KCNJ6: variants seen among roughly 807,000 people sequenced by gnomAD.
KCNJ6 encodes potassium inwardly rectifying channel subfamily J member 6.
KCNJ6 carries 9 observed loss-of-function variants against 34.2 expected under a neutral mutation model. The observed-to-expected ratio is 0.26, with a 90% CI of 0.16 to 0.46. The LOEUF (loss-of-function observed/expected upper bound fraction) is 0.46, where lower values mean the gene tolerates loss of function less well. Ranked by LOEUF, KCNJ6 falls within the 20% of genes least tolerant of loss-of-function variation. The pLI, the probability that KCNJ6 is intolerant of heterozygous loss-of-function variation, is 1.00. For missense variants in KCNJ6, 236 were observed against 531.3 expected (o/e 0.44, Z 5.46); for synonymous variants, 196 against 207.1 (o/e 0.95, Z 0.46).
intron 3 of KCNJ6, among the ~76,000 whole-genome samples, chr21:37,668,670 G>A (rs948891773): frequency 1.1e-4 from 17 of 152,118 alleles, no homozygotes; most frequent in African/African-American, 2.9e-4. Context: ...TGTGGATGCC[G>A]CACCCGTGCT....
chr21:37,759,325 A>G (rs1331647051), intron 2 of KCNJ6, among the ~76,000 whole-genome samples: 1 of 152,198 alleles, frequency 6.6e-6, no homozygotes, highest in Admixed American at 6.5e-5. Context: ...TGTGAAATGA[A>G]TGGCGGGACT....
intron 2 of KCNJ6, among the ~76,000 whole-genome samples, chr21:37,824,524 T>C (rs989499725): frequency 6.6e-6 from 1 of 152,060 alleles, no homozygotes; most frequent in Non-Finnish European, 1.5e-5. Context: ...TGGCTCTGTG[T>C]CCCCACTCCA....
At chr21:37,749,882 C>T (rs936912268) in intron 2 of KCNJ6, among the ~76,000 whole-genome samples, 1 of 152,178 alleles carries the variant, frequency 6.6e-6, no homozygotes, top group African/African-American at 2.4e-5. Flanking sequence ...GGGCAGTAAT[C>T]ATACCTATGC....
At chr21:37,873,296 C>T (rs78312848) in intron 1 of KCNJ6, among the ~76,000 whole-genome samples, 30 of 152,286 alleles carry the variant, frequency 2.0e-4, no homozygotes, top group Middle Eastern at 3.4e-3. Flanking sequence ...AAGCACGTTA[C>T]GCGAATCCTT....
chr21:37,617,085 TTC>T lies in KCNJ6; in HGVS notation c.*8072_*8073del, dbSNP rs2054273621. On this transcript the variant is annotated 3_prime_UTR_variant, in exon 4 of 4. Transcript: ENST00000609713. ...TTCTTTTCTTTTCTTTTCTTTCTTTTTCTTTCTTTCTTTTCTTTCTTTCTTTC... is the reference window on the plus strand; with the variant it reads ...TTCTTTTCTTTTCTTTTCTTTCTTTTTTTCTTTCTTTTCTTTCTTTCTTTC... 1 of 73,214 alleles carries T rather than the reference TTC, an allele frequency of 1.4e-5. No homozygotes were observed. The highest frequency in any genetic ancestry group is 2.8e-5 in the Non-Finnish European group (1 of 36,346). The allele number at this position is 73,214 out of a possible 1,614,324, so 4.5% of individuals were successfully genotyped here.
intron 2 of KCNJ6, among the ~76,000 whole-genome samples, chr21:37,748,687 C>A (rs896272309): frequency 4.6e-5 from 7 of 152,224 alleles, no homozygotes; most frequent in African/African-American, 1.7e-4. Context: ...AAATTCCCAA[C>A]AGGCTTTGTG....
At chr21:37,691,221 G>T (rs976607494) in intron 3 of KCNJ6, among the ~76,000 whole-genome samples, 1 of 152,238 alleles carries the variant, frequency 6.6e-6, no homozygotes, top group Admixed American at 6.5e-5. Flanking sequence ...CAGATGGCCA[G>T]GTATGGCTAG....
chr21:37,838,334 A>G (rs1190293652), intron 2 of KCNJ6, among the ~76,000 whole-genome samples: 2 of 152,242 alleles, frequency 1.3e-5, no homozygotes, highest in Admixed American at 1.3e-4. Flanking sequence ...TATCAGAAAT[A>G]TTAATCAGTA....
Position 37,618,424 on chromosome 21 carries a change from G to A in KCNJ6, c.*6735C>T, listed in dbSNP as rs536100280. 2.8e-4 allele frequency: 42 copies of A among 152,308 alleles called. No homozygotes were observed. The highest frequency in any genetic ancestry group is 8.4e-4 in the African/African-American group (35 of 41,578). 9.4% of individuals were successfully genotyped at this position (152,308 alleles called of 1,614,324 possible). On this transcript the variant is annotated 3_prime_UTR_variant, in exon 4 of 4. Coordinates refer to ENST00000609713, the MANE Select transcript of KCNJ6 (RefSeq NM_002240.5). ...TGATTTCTATCAGAGTTTTAGAAACGATGATGATTACATGTTTATTTCACT... is the reference window on the plus strand; with the variant it reads ...TGATTTCTATCAGAGTTTTAGAAACAATGATGATTACATGTTTATTTCACT...
At chr21:37,780,991 G>C (rs1041848258) in intron 2 of KCNJ6, among the ~76,000 whole-genome samples, 7 of 152,164 alleles carry the variant, frequency 4.6e-5, no homozygotes, top group African/African-American at 1.7e-4. Context: ...TCCAACAAAG[G>C]GTCTTGGCTC....
At chr21:37,626,399 G>A (rs2054311350) in intron 3 of KCNJ6, among the ~76,000 whole-genome samples, 1 of 152,136 alleles carries the variant, frequency 6.6e-6, no homozygotes, top group African/African-American at 2.4e-5. Flanking sequence ...CTCCCAAAGT[G>A]TTGGGATTAC....
At chr21:37,792,490 T>G (rs1055664940) in intron 2 of KCNJ6, among the ~76,000 whole-genome samples, 2 of 152,166 alleles carry the variant, frequency 1.3e-5, no homozygotes, top group South Asian at 4.1e-4. Context: ...AAGCAAAACT[T>G]TATGCAATAT....
At chr21:37,720,013 GA>G (rs1319688599) in intron 2 of KCNJ6, among the ~76,000 whole-genome samples, 2 of 151,940 alleles carry the variant, frequency 1.3e-5, no homozygotes, top group African/African-American at 2.4e-5. Context: ...ACCTAGTTGA[GA>G]AAAACAGGAT....
chr21:37,681,711 TCG>T (rs2054591426), intron 3 of KCNJ6, among the ~76,000 whole-genome samples: 1 of 152,216 alleles, frequency 6.6e-6, no homozygotes, highest in Non-Finnish European at 1.5e-5. Flanking sequence ...CAACCTTTTG[TCG>T]CTGAGTACAC....
intron 2 of KCNJ6, among the ~76,000 whole-genome samples, chr21:37,754,080 C>T (rs1030516708): frequency 1.3e-5 from 2 of 152,206 alleles, no homozygotes; most frequent in African/African-American, 4.8e-5. Context: ...TAAGATACTG[C>T]AACCAGCTAA....
At chr21:37,905,821 G>T (rs2055838946) in intron 1 of KCNJ6, among the ~76,000 whole-genome samples, 1 of 152,172 alleles carries the variant, frequency 6.6e-6, no homozygotes, top group South Asian at 2.1e-4. Context: ...GCAGAGATTT[G>T]TCAACTGACT....
intron 3 of KCNJ6, among the ~76,000 whole-genome samples, chr21:37,639,813 T>C (rs1340323884): frequency 1.3e-5 from 2 of 151,676 alleles, no homozygotes; most frequent in African/African-American, 4.8e-5. Flanking sequence ...GCTGTTCTCA[T>C]GAGATTTTGT....
At chr21:37,758,845 G>A (rs2055045383) in intron 2 of KCNJ6, among the ~76,000 whole-genome samples, 4 of 152,084 alleles carry the variant, frequency 2.6e-5, no homozygotes, top group Admixed American at 2.6e-4. Context: ...TTCCCAGGCT[G>A]GTCTTGAACT....
In KCNJ6 at chr21:37,664,792, CTTTTT is replaced by C. The variant is rs10594512; in HGVS notation, c.947-39313_947-39309del. Among the ~76,000 whole-genome samples the C allele has an allele frequency of 2.5e-3, 251 of 100,984 alleles. 1 individual carries two copies. In the East Asian group the frequency reaches 0.031, roughly 12 times the overall value. 66.2% of individuals were successfully genotyped at this position (100,984 alleles called of 152,430 possible). ...GAGATTGGAAAAAGAAAGAATATTC[CTTTTT>C]TTTTTTTTTTTTTTTTTGAGATGGA... is the stretch of plus-strand genomic sequence containing the variant. On this transcript the variant is annotated intron_variant, in intron 3 of 3. Transcript: ENST00000609713.
Sources: gnomAD v4.1 joint callset for allele counts (sites outside exome capture counted in the v4.1 genomes callset) on GRCh38, gnomAD v4.1.1 for gene constraint, MANE v1.5 for transcripts, NCBI Gene and HGNC (gene_info 2026-07-23, HGNC 2026-07-21) for gene names.